The following OCA2 variants were observed in gnomAD, a reference collection of about 807,000 sequenced individuals.
The protein encoded by OCA2 is P protein.
A neutral mutation model predicts 100.2 loss-of-function variants in OCA2; 77 were observed. That is an observed-to-expected ratio of 0.77 (90% confidence interval 0.64 to 0.93). OCA2 has a LOEUF of 0.93. OCA2 is among the 40% of genes least tolerant of loss of function. The pLI, the probability that OCA2 is intolerant of heterozygous loss-of-function variation, is 0.00. For synonymous variants in OCA2, 432 were observed against 439.2 expected (o/e 0.98, Z 0.21); for missense variants, 1,062 against 1,089.1 (o/e 0.98, Z 0.35).
chr15:27,826,422 G>A (rs1160524879), intron 23 of OCA2, among the ~76,000 whole-genome samples: 4 of 152,122 alleles, frequency 2.6e-5, no homozygotes, highest in East Asian at 1.9e-4. Flanking sequence ...GCAGAGGCAC[G>A]GCCCTCAACC....
the OCA2 span, among the ~76,000 whole-genome samples, chr15:27,724,259 AG>A: frequency 6.6e-6 from 1 of 152,180 alleles, no homozygotes; most frequent in Non-Finnish European, 1.5e-5. Flanking sequence ...GGCTGAGATC[AG>A]GGTGTCGGCA....
At position 27,770,736 on chromosome 15, in the gene OCA2, T is replaced by C. The variant is rs4992115; in HGVS notation, c.2433-15264A>G. Among the ~76,000 whole-genome samples, 169 of 76,842 alleles carry C rather than the reference T, an allele frequency of 2.2e-3. 1 individual carries two copies. Among genetic ancestry groups the C allele is most frequent in the Middle Eastern group, 0.02 (3 of 152 alleles). 50.4% of individuals were successfully genotyped at this position (76,842 alleles called of 152,430 possible). A position where few individuals can be genotyped will look rare whatever the true frequency, so the allele number is the denominator to read the frequency against. On this transcript the variant is annotated intron_variant, in intron 23 of 23. Coordinates refer to ENST00000354638, the MANE Select transcript of OCA2 (RefSeq NM_000275.3). ...CCGCTCCTTTCTTACTTCCCTCCCT[T>C]CCTCTTTTCCTTCCTTCCTTCCTCT...
intron 21 of OCA2, 63 bp from the exon 22 acceptor site, chr15:27,851,538 G>A: frequency 7.8e-7 from 1 of 1,287,276 alleles, no homozygotes. Context: ...GCCATACTGT[G>A]ACCAATTTAG....
At position 28,048,792 on chromosome 15, in the gene OCA2, G is replaced by C. The variant is rs527814873; in HGVS notation, c.228-16629C>G. Among the ~76,000 whole-genome samples the C allele has an allele frequency of 4.1e-5, 6 of 147,716 alleles. No homozygotes were observed. The South Asian group carries it at 1.3e-3, about 31-fold the overall frequency. ...AGGCTAAGGTGGAAAGATCACTTGA[G>C]TTCAGGAGTTTGAGACCAGCCTGGG... On this transcript the variant is annotated intron_variant, in intron 2 of 23. Transcript: ENST00000354638.
intron 19 of OCA2, among the ~76,000 whole-genome samples, chr15:27,903,694 C>A (rs2038056907): frequency 6.6e-6 from 1 of 152,184 alleles, no homozygotes; most frequent in African/African-American, 2.4e-5. Context: ...TTAGTGATGG[C>A]TTCAAGGCCT....
At chr15:27,753,865 G>T (rs1051849312), downstream of OCA2, among the ~76,000 whole-genome samples, 10 of 152,148 alleles carry the variant, frequency 6.6e-5, no homozygotes, top group African/African-American at 2.4e-4. Flanking sequence ...TGTAGGGGAT[G>T]ACGTGTTAAA....
intron 15 of OCA2, among the ~76,000 whole-genome samples, chr15:27,963,707 A>G (rs2040477074): frequency 1.3e-5 from 2 of 152,074 alleles, no homozygotes; most frequent in Non-Finnish European, 2.9e-5. Flanking sequence ...ACTTTAAGAA[A>G]CCAGTGAAAA....
chr15:28,036,665 A>T (rs2043052557), intron 2 of OCA2, among the ~76,000 whole-genome samples: 1 of 152,190 alleles, frequency 6.6e-6, no homozygotes, highest in Non-Finnish European at 1.5e-5. Context: ...CAAAACACTT[A>T]ACAATCCTAT....
chr15:28,004,687 C>T (rs1038572158), intron 9 of OCA2, among the ~76,000 whole-genome samples: 2 of 151,882 alleles, frequency 1.3e-5, no homozygotes, highest in Non-Finnish European at 2.9e-5. Context: ...CAGTCTCACA[C>T]GCTGACTCAC....
At position 28,014,815 on chromosome 15, in the gene OCA2, C is replaced by A. The variant is rs763586305; in HGVS notation, c.1005G>T (p.Thr335=). Residue 335 remains threonine, a synonymous_variant, in exon 9 of 24, where the codon ACG becomes ACT. Transcript: ENST00000354638. ...GCGCGTAGACGCCCGCGAGGATGGCCGTCGCGATGGTCACCTGGGTTTCTA... is the reference window on the plus strand; with the variant it reads ...GCGCGTAGACGCCCGCGAGGATGGCAGTCGCGATGGTCACCTGGGTTTCTA... ...GSVETQVTIA[T]AILAGVYALI... 2.5e-6 allele frequency: 4 copies of A among 1,613,842 alleles called. No individual in the cohort carries two copies. In the East Asian group the frequency reaches 8.9e-5, roughly 36 times the overall value.
the OCA2 span, among the ~76,000 whole-genome samples, chr15:27,725,829 T>G: frequency 6.6e-6 from 1 of 152,074 alleles, no homozygotes; most frequent in Non-Finnish European, 1.5e-5. Flanking sequence ...TTCCTTGCTT[T>G]CTTAAAAAGA....
At chr15:28,001,502 CAGTGTGGTCAGGGA>C (rs1445632039) in intron 9 of OCA2, among the ~76,000 whole-genome samples, 19 of 152,200 alleles carry the variant, frequency 1.2e-4, no homozygotes, top group African/African-American at 4.6e-4. Flanking sequence ...GGCACTGGGG[CAGTGTGGTCAGGGA>C]AGGGTTTGGA....
At chr15:27,854,137 G>A (rs747739537) in intron 21 of OCA2, among the ~76,000 whole-genome samples, 6 of 152,320 alleles carry the variant, frequency 3.9e-5, no homozygotes, top group South Asian at 4.1e-4. Context: ...TCCTTTGACC[G>A]ATAGAATGTG....
At chr15:27,851,314 C>G (rs942869073) in intron 22 of OCA2, 68 bp downstream of exon 22, 41 of 1,251,866 alleles carry the variant, frequency 3.3e-5, no homozygotes, top group Non-Finnish European at 4.5e-5. Flanking sequence ...TACACACTAA[C>G]TGTTGCTTTG....
At chr15:28,089,380 T>C (rs1194161163) in intron 1 of OCA2, among the ~76,000 whole-genome samples, 2 of 152,196 alleles carry the variant, frequency 1.3e-5, no homozygotes, top group Non-Finnish European at 2.9e-5. Flanking sequence ...AAGTGATAAG[T>C]GTCCATGAAA....
At chr15:27,854,299 GA>G (rs1268291987) in intron 21 of OCA2, among the ~76,000 whole-genome samples, 2 of 152,194 alleles carry the variant, frequency 1.3e-5, no homozygotes, top group African/African-American at 4.8e-5. Flanking sequence ...AGCCCCAGCG[GA>G]GTCCAGACCA....
At chr15:27,990,006 G>A (rs980122081) in intron 10 of OCA2, among the ~76,000 whole-genome samples, 2 of 152,162 alleles carry the variant, frequency 1.3e-5, no homozygotes, top group Admixed American at 1.3e-4. Context: ...ACAGGAACTG[G>A]CATGGCAGCT....
At chr15:28,040,031 CAAAAAAA>C (rs57662493) in intron 2 of OCA2, among the ~76,000 whole-genome samples, 6 of 107,008 alleles carry the variant, frequency 5.6e-5, no homozygotes, top group Non-Finnish European at 1.3e-4. Context: ...GACTCCATCT[CAAAAAAA>C]AAAAAAAAAG....
chr15:27,892,058 A>C (rs2037484704), intron 19 of OCA2, among the ~76,000 whole-genome samples: 1 of 152,208 alleles, frequency 6.6e-6, no homozygotes, highest in Non-Finnish European at 1.5e-5. Flanking sequence ...ACAGAGCAGC[A>C]AAATACATGA....
Sources: allele counts gnomAD v4.1 joint callset (sites outside exome capture counted in the v4.1 genomes callset), GRCh38; gene constraint gnomAD v4.1.1; transcripts MANE v1.5; gene names NCBI Gene and HGNC (gene_info 2026-07-23, HGNC 2026-07-21).